The following TRAF5 variants were observed in gnomAD, a reference collection of about 807,000 sequenced individuals.
The protein encoded by TRAF5 is TNF receptor-associated factor 5.
In TRAF5, 48 loss-of-function variants were observed where a neutral mutation model predicts 64.5. The observed-to-expected ratio is 0.74, with a 90% CI of 0.59 to 0.95. TRAF5 has a LOEUF of 0.95. Ranked by LOEUF, TRAF5 falls within the 40% of genes least tolerant of loss-of-function variation. The probability of loss-of-function intolerance (pLI) is 0.00; values close to 1 mark genes in which losing one functional copy is unlikely to be tolerated. For missense variants in TRAF5, 545 were observed against 662.8 expected (o/e 0.82, Z 1.95); for synonymous variants, 206 against 240.5 (o/e 0.86, Z 1.33).
intron 9 of TRAF5, among the ~76,000 whole-genome samples, chr1:211,369,815 G>A (rs1194775260): frequency 6.6e-6 from 1 of 151,658 alleles, no homozygotes; most frequent in Non-Finnish European, 1.5e-5. Flanking sequence ...CTCCTCCCCC[G>A]ACGTGTATGT....
rs1370568542 is a variant in TRAF5 at position 211,374,197 on chromosome 1, C to T, written c.*1495C>T. 1.3e-5 allele frequency: 2 copies of T among 152,320 alleles called. No homozygotes were observed. Among genetic ancestry groups the T allele is most frequent in the Non-Finnish European group, 2.9e-5 (2 of 68,042 alleles). 9.4% of individuals were successfully genotyped at this position (152,320 alleles called of 1,614,324 possible). ...GGTGTATATACAAACTGAGATGAGT[C>T]CTTATGACTCTTGATAAGCCTGAGT... On this transcript the variant is annotated 3_prime_UTR_variant, in exon 11 of 11. Transcript: ENST00000261464.
At chr1:211,359,828 C>T (rs545778880) in intron 4 of TRAF5, 84 bp from the exon 5 acceptor site, 4 of 1,496,304 alleles carry the variant, frequency 2.7e-6, no homozygotes, top group East Asian at 4.5e-5. Context: ...ACCCTGTTCT[C>T]TCTCCCTCCC....
chr1:211,358,376 T>A (rs1392534160), intron 4 of TRAF5: 1 of 151,594 alleles, frequency 6.6e-6, no homozygotes, highest in African/African-American at 2.4e-5. Flanking sequence ...CTTGGGAGGC[T>A]GAGGCAGGAG....
intron 1 of TRAF5, among the ~76,000 whole-genome samples, chr1:211,346,629 G>GC (rs1238743030): frequency 1.1e-4 from 16 of 152,278 alleles, no homozygotes; most frequent in African/African-American, 3.9e-4. Flanking sequence ...CTGGATGTTG[G>GC]CAGGGGTATG....
chr1:211,366,746 G>A (rs1243484328), intron 8 of TRAF5, among the ~76,000 whole-genome samples: 1 of 152,232 alleles, frequency 6.6e-6, no homozygotes, highest in Non-Finnish European at 1.5e-5. Context: ...ACTTCTGAGT[G>A]TGAGATAGAG....
chr1:211,346,046 C>T (rs1393435488), intron 1 of TRAF5, among the ~76,000 whole-genome samples: 1 of 152,212 alleles, frequency 6.6e-6, no homozygotes, highest in Non-Finnish European at 1.5e-5. Flanking sequence ...ACTTCAGCTA[C>T]AGTTAATTGC....
At chr1:211,346,997 G>A (rs1702630814) in intron 1 of TRAF5, among the ~76,000 whole-genome samples, 1 of 152,170 alleles carries the variant, frequency 6.6e-6, no homozygotes, top group Non-Finnish European at 1.5e-5. Flanking sequence ...TTCAGTAGGA[G>A]TACCACACTG....
chr1:211,350,582 C>T (rs1415998828), intron 1 of TRAF5, among the ~76,000 whole-genome samples: 3 of 152,158 alleles, frequency 2.0e-5, no homozygotes, highest in Admixed American at 2.0e-4. Context: ...TTGTACTTGA[C>T]ATTTTGAAAG....
rs1286061943 is a variant in TRAF5 at position 211,365,566 on chromosome 1, TAA to T, written c.789+99_789+100del. 4.5e-5 allele frequency: 43 copies of T among 947,380 alleles called. No homozygotes were observed. The South Asian group carries it at 5.0e-4, about 11-fold the overall frequency. The allele number at this position is 947,380 out of a possible 1,614,324, so 58.7% of individuals were successfully genotyped here. A position where few individuals can be genotyped will look rare whatever the true frequency, so the allele number is the denominator to read the frequency against. On this transcript the variant is annotated intron_variant, in intron 8 of 10. Coordinates refer to ENST00000261464, the MANE Select transcript of TRAF5 (RefSeq NM_001033910.3). ...TTTTCTATTCTCCCCTGTTTCAGTA[TAA>T]GTCAATTAGAGGTAGATGTTTTTCT... is the stretch of plus-strand genomic sequence containing the variant.
chr1:211,352,651 C>T (rs1007375309), intron 1 of TRAF5, among the ~76,000 whole-genome samples: 2 of 151,756 alleles, frequency 1.3e-5, no homozygotes, highest in African/African-American at 4.8e-5. Flanking sequence ...AAGTATTAGT[C>T]TGTTTGTGCT....
intron 1 of TRAF5, among the ~76,000 whole-genome samples, chr1:211,351,296 GA>G (rs962244744): frequency 6.6e-6 from 1 of 151,950 alleles, no homozygotes; most frequent in African/African-American, 2.4e-5. Flanking sequence ...AAAGTGCTGG[GA>G]TTATAGGCAT....
rs747904561 is a variant in TRAF5, at chr1:211,361,162, G to A, written c.696G>A (p.Thr232=). The A allele has an allele frequency of 5.4e-5, 87 of 1,613,840 alleles. No individual in the cohort carries two copies. The highest frequency in any genetic ancestry group is 4.9e-4 in the Middle Eastern group (3 of 6,084). The stretch of plus-strand genomic sequence containing the variant: ...TTAAGCACTATGGCTGTGCTGTAAC[G>A]GTATGGAATGACTTTTTGTTTCTGC... ...CPFKHYGCAV[T]DKRRNLQQHE... The change falls in exon 7 of 11, where the codon ACG becomes ACA. Residue 232 remains threonine, a splice_region_variant and synonymous_variant. Transcript: ENST00000261464.
intron 9 of TRAF5, among the ~76,000 whole-genome samples, chr1:211,369,860 GCT>G (rs781409750): frequency 1.3e-5 from 2 of 152,044 alleles, no homozygotes; most frequent in Admixed American, 6.6e-5. Context: ...GTGTGCACGT[GCT>G]CTCTCTAAAC....
intron 1 of TRAF5, among the ~76,000 whole-genome samples, chr1:211,343,343 C>CA (rs1280598161): frequency 6.6e-6 from 1 of 152,162 alleles, no homozygotes; most frequent in Non-Finnish European, 1.5e-5. Flanking sequence ...CCCAGCTCTT[C>CA]ATCCCCTGAG....
chr1:211,332,554 G>A (rs1445893443), intron 1 of TRAF5, among the ~76,000 whole-genome samples: 1 of 152,182 alleles, frequency 6.6e-6, no homozygotes, highest in Non-Finnish European at 1.5e-5. Context: ...TGAGGTAGAG[G>A]CTGGGTTGAT....
At chr1:211,330,605 G>T (rs955672598) in intron 1 of TRAF5, among the ~76,000 whole-genome samples, 1 of 152,138 alleles carries the variant, frequency 6.6e-6, no homozygotes, top group African/African-American at 2.4e-5. Flanking sequence ...TCTGTAAAGA[G>T]TGGACAGCTC....
chr1:211,341,512 G>A (rs1295489073), intron 1 of TRAF5, among the ~76,000 whole-genome samples: 1 of 152,178 alleles, frequency 6.6e-6, no homozygotes, highest in African/African-American at 2.4e-5. Flanking sequence ...TGGGCCTGCC[G>A]ACTTATTCCA....
At chr1:211,359,728 A>G in intron 4 of TRAF5, 184 bp from the exon 5 acceptor site, 1 of 580,026 alleles carries the variant, frequency 1.7e-6, no homozygotes, top group East Asian at 2.9e-5. Context: ...AGCCCTCCCC[A>G]TGCCCTCTCC....
chr1:211,333,862 C>G (rs1428775891), intron 1 of TRAF5, among the ~76,000 whole-genome samples: 2 of 152,180 alleles, frequency 1.3e-5, no homozygotes, highest in African/African-American at 4.8e-5. Flanking sequence ...CATCATTTCT[C>G]CTGCCTAGAA....
Sources: gnomAD v4.1 joint callset for allele counts (sites outside exome capture counted in the v4.1 genomes callset) on GRCh38, gnomAD v4.1.1 for gene constraint, MANE v1.5 for transcripts, NCBI Gene and HGNC (gene_info 2026-07-23, HGNC 2026-07-21) for gene names.